The following SCD5 variants were observed in gnomAD, a reference collection of about 807,000 sequenced individuals.
The protein encoded by SCD5 is acyl-CoA-desaturase 4.
In SCD5, 20 loss-of-function variants were observed where a neutral mutation model predicts 30.4. The observed-to-expected ratio is 0.66, with a 90% CI of 0.46 to 0.96. SCD5 has a LOEUF of 0.96. SCD5 is among the 40% of genes least tolerant of loss of function. The pLI, the probability that SCD5 is intolerant of heterozygous loss-of-function variation, is 0.00. For missense variants in SCD5, 381 were observed against 443.3 expected, an observed-to-expected ratio of 0.86 and a Z score of 1.26; for synonymous variants, 173 against 176.4, an observed-to-expected ratio of 0.98 and a Z score of 0.16.
At chr4:82,667,770 A>C (rs562776024) in intron 3 of SCD5, among the ~76,000 whole-genome samples, 1 of 152,240 alleles carries the variant, frequency 6.6e-6, no homozygotes, top group East Asian at 1.9e-4. Flanking sequence ...ATTTATTCTC[A>C]ATTTTTTTTG....
intron 4 of SCD5, among the ~76,000 whole-genome samples, chr4:82,633,835 G>A (rs7672496): frequency 0.26 from 39,746 of 151,724 alleles, 6,189 homozygotes; most frequent in African/African-American, 0.43. Flanking sequence ...TATATTCACA[G>A]AGTTATGCAT....
intron 2 of SCD5, among the ~76,000 whole-genome samples, chr4:82,681,915 T>C (rs1046342114): frequency 6.6e-5 from 10 of 152,172 alleles, no homozygotes; most frequent in African/African-American, 2.4e-4. Context: ...TCTTCATGTG[T>C]GACTCACAGA....
chr4:82,754,936 C>T (rs1721201526), intron 1 of SCD5, among the ~76,000 whole-genome samples: 2 of 152,136 alleles, frequency 1.3e-5, no homozygotes, highest in Non-Finnish European at 2.9e-5. Context: ...GGAACAGAAG[C>T]AACAAGACAC....
chr4:82,715,003 G>C (rs550618844), intron 1 of SCD5, among the ~76,000 whole-genome samples: 1 of 151,720 alleles, frequency 6.6e-6, no homozygotes, highest in Non-Finnish European at 1.5e-5. Context: ...TTGGGAGGCT[G>C]AGGCAGGCAG....
chr4:82,745,363 G>A (rs1466633772), intron 1 of SCD5, among the ~76,000 whole-genome samples: 1 of 152,150 alleles, frequency 6.6e-6, no homozygotes, highest in Non-Finnish European at 1.5e-5. Flanking sequence ...AGACCTCAGC[G>A]GGAGGCCAAA....
At chr4:82,716,000 A>G (rs1348253050) in intron 1 of SCD5, among the ~76,000 whole-genome samples, 2 of 151,890 alleles carry the variant, frequency 1.3e-5, no homozygotes, top group Non-Finnish European at 2.9e-5. Flanking sequence ...AAAAAAGTCA[A>G]TGTTATCATT....
intron 3 of SCD5, chr4:82,661,220 A>C (rs972597566): frequency 2.2e-5 from 16 of 716,204 alleles, no homozygotes; most frequent in Non-Finnish European, 3.6e-5. Context: ...CACACTCAAT[A>C]GGATATAACA....
chr4:82,699,901 C>A (rs1719780436), intron 2 of SCD5, among the ~76,000 whole-genome samples: 1 of 151,426 alleles, frequency 6.6e-6, no homozygotes, highest in Non-Finnish European at 1.5e-5. Flanking sequence ...ACCTCGTAAT[C>A]CGCCTGCCTC....
At chr4:82,724,528 T>C (rs1434739493) in intron 1 of SCD5, among the ~76,000 whole-genome samples, 3 of 152,168 alleles carry the variant, frequency 2.0e-5, no homozygotes, top group Admixed American at 1.3e-4. Flanking sequence ...CTTAAATACA[T>C]GCATACCTCC....
At chr4:82,660,458 A>G in intron 3 of SCD5, 1 of 918,344 alleles carries the variant, frequency 1.1e-6, no homozygotes, top group Non-Finnish European at 1.3e-6. Context: ...CAACGTGTAC[A>G]GGTTTTTAGA....
chr4:82,640,496 T>C (rs1217041770), intron 3 of SCD5, among the ~76,000 whole-genome samples: 8 of 152,216 alleles, frequency 5.3e-5, no homozygotes, highest in East Asian at 1.9e-4. Flanking sequence ...CCTCTTTGTA[T>C]GTTCAGTAGA....
chr4:82,674,975 G>C (rs969853829), intron 3 of SCD5, among the ~76,000 whole-genome samples: 3 of 152,160 alleles, frequency 2.0e-5, no homozygotes, highest in Admixed American at 1.3e-4. Context: ...TGGGGGAAGA[G>C]AGCGATGAAC....
At chr4:82,758,472 C>G (rs1012092700) in intron 1 of SCD5, among the ~76,000 whole-genome samples, 1 of 152,094 alleles carries the variant, frequency 6.6e-6, no homozygotes, top group Non-Finnish European at 1.5e-5. Flanking sequence ...ACCCTCATGA[C>G]ATCATTTTAA....
At chr4:82,763,937 T>A (rs1443059131) in intron 1 of SCD5, among the ~76,000 whole-genome samples, 1 of 152,218 alleles carries the variant, frequency 6.6e-6, no homozygotes, top group Admixed American at 6.5e-5. Flanking sequence ...CCTCTTGATA[T>A]CTACTTTGAT....
chr4:82,637,447 T>C (rs1487580740), intron 3 of SCD5, among the ~76,000 whole-genome samples: 2 of 152,258 alleles, frequency 1.3e-5, no homozygotes, highest in Non-Finnish European at 2.9e-5. Flanking sequence ...TCTGGACCTA[T>C]GTACCCAGCA....
chr4:82,759,656 A>G (rs929677183), intron 1 of SCD5, among the ~76,000 whole-genome samples: 2 of 151,814 alleles, frequency 1.3e-5, no homozygotes, highest in Admixed American at 6.6e-5. Context: ...CTTAAAAAAA[A>G]AAAAAAAAAA....
At chr4:82,750,690 T>C (rs1721083195) in intron 1 of SCD5, among the ~76,000 whole-genome samples, 8 of 151,576 alleles carry the variant, frequency 5.3e-5, no homozygotes. Context: ...TATGTCTGTT[T>C]AAAAGAAAGC....
intron 1 of SCD5, among the ~76,000 whole-genome samples, chr4:82,778,677 C>T (rs1048645124): frequency 5.3e-5 from 8 of 152,090 alleles, no homozygotes; most frequent in Admixed American, 3.3e-4. Context: ...AATAACTGGG[C>T]GTTTCTGTCC....
At chr4:82,709,727 G>A (rs867231883) in intron 1 of SCD5, among the ~76,000 whole-genome samples, 6 of 152,196 alleles carry the variant, frequency 3.9e-5, no homozygotes, top group Non-Finnish European at 8.8e-5. Flanking sequence ...CAAAAGAATT[G>A]AGAGCAGTGA....
Sources: gnomAD v4.1 joint callset for allele counts (sites outside exome capture counted in the v4.1 genomes callset) on GRCh38, gnomAD v4.1.1 for gene constraint, MANE v1.5 for transcripts, NCBI Gene and HGNC (gene_info 2026-07-23, HGNC 2026-07-21) for gene names.